Variants in SLC24A4 observed in about 807,000 individuals in gnomAD.
SLC24A4 encodes the protein solute carrier family 24 member 4.
In SLC24A4, 53 loss-of-function variants were observed where a neutral mutation model predicts 79.0. The observed-to-expected ratio is 0.67, with a 90% CI of 0.54 to 0.84. The LOEUF (loss-of-function observed/expected upper bound fraction) is 0.84, where lower values mean the gene tolerates loss of function less well. SLC24A4 is among the 40% of genes least tolerant of loss of function. The pLI is 0.00. For synonymous variants in SLC24A4, 323 were observed against 323.8 expected, an observed-to-expected ratio of 1.00 and a Z score of 0.03; for missense variants, 731 against 822.0, an observed-to-expected ratio of 0.89 and a Z score of 1.35.
chr14:92,347,944 A>C (rs377532820), intron 2 of SLC24A4, among the ~76,000 whole-genome samples: 1 of 151,970 alleles, frequency 6.6e-6, no homozygotes, highest in African/African-American at 2.4e-5. Context: ...AAAAACAAAA[A>C]CAAACAAACA....
Position 92,443,520 on chromosome 14 carries a change from C to T in SLC24A4, c.657+46C>T, listed in dbSNP as rs764696543. 1.1e-5 allele frequency: 17 copies of T among 1,590,950 alleles called. No homozygotes were observed. In the East Asian group the frequency reaches 1.1e-4, roughly 10 times the overall value. On this transcript the variant is annotated intron_variant, in intron 7 of 16. Transcript: ENST00000532405. ...CAAGGTCAGGTTGGCTGGGACCCTG[C>T]GAAGGCACAGGACCCCTGCCCATCT...
chr14:92,477,446 C>CT (rs1327124781), intron 12 of SLC24A4, among the ~76,000 whole-genome samples: 1 of 151,878 alleles, frequency 6.6e-6, no homozygotes, highest in Non-Finnish European at 1.5e-5. Flanking sequence ...CTATCTTTTC[C>CT]TTTTTTTGTT....
At chr14:92,367,105 T>A (rs1012431156) in intron 2 of SLC24A4, among the ~76,000 whole-genome samples, 1 of 152,194 alleles carries the variant, frequency 6.6e-6, no homozygotes, top group Non-Finnish European at 1.5e-5. Flanking sequence ...TTCATCACTT[T>A]ACCACCTTCT....
At chr14:92,340,581 A>C (rs201854705) in intron 2 of SLC24A4, among the ~76,000 whole-genome samples, 2 of 152,116 alleles carry the variant, frequency 1.3e-5, no homozygotes, top group Non-Finnish European at 2.9e-5. Flanking sequence ...ATCATGCCAA[A>C]CCTGCAGGGG....
At chr14:92,455,844 G>T (rs1239294595) in intron 11 of SLC24A4, among the ~76,000 whole-genome samples, 1 of 152,008 alleles carries the variant, frequency 6.6e-6, no homozygotes, top group African/African-American at 2.4e-5. Flanking sequence ...GGGATTACGG[G>T]GGCCTACCAC....
At position 92,323,649 on chromosome 14, in the gene SLC24A4, C is replaced by G. The variant is rs988075462; in HGVS notation, c.-182C>G. ...CTGAGCTCCGGCCGCGTCGCGCGTC[C>G]CCACCTTCCCAAGGGGCTCCCCCGC... On this transcript the variant is annotated 5_prime_UTR_variant, in exon 1 of 17. Transcript: ENST00000532405. This position sits in a 1 kb window ranked among gnomAD's most constrained non-coding sequence, Gnocchi z 4.9. The G allele has an allele frequency of 3.6e-5, 23 of 647,144 alleles. No individual in the cohort carries two copies. Among genetic ancestry groups the G allele is most frequent in the Non-Finnish European group, 4.8e-5 (20 of 419,724 alleles). The allele number at this position is 647,144 out of a possible 1,614,324, so 40.1% of individuals were successfully genotyped here. A position where few individuals can be genotyped will look rare whatever the true frequency, so the allele number is the denominator to read the frequency against.
chr14:92,346,215 T>C (rs1165847568), intron 2 of SLC24A4, among the ~76,000 whole-genome samples: 4 of 152,214 alleles, frequency 2.6e-5, no homozygotes, highest in Non-Finnish European at 4.4e-5. Context: ...TGACCCACTC[T>C]GCTTTCATGA....
intron 2 of SLC24A4, among the ~76,000 whole-genome samples, chr14:92,403,120 T>C (rs1220365332): frequency 6.6e-6 from 1 of 152,114 alleles, no homozygotes; most frequent in Non-Finnish European, 1.5e-5. Context: ...ACACACCTGC[T>C]TCTGAAGCAC....
In SLC24A4 at chr14:92,344,554, C is replaced by T. The variant is rs370181024; in HGVS notation, c.241+18576C>T. ...GTTGGAGTTGGGGAGAGTTTCTGAG[C>T]CAAGGATCGATATGCTGAGGAGTGT... On this transcript the variant is annotated intron_variant, in intron 2 of 16. Transcript: ENST00000532405. Among the ~76,000 whole-genome samples, 144 of 152,148 alleles carry T rather than the reference C, an allele frequency of 9.5e-4. 2 individuals carry two copies. Among genetic ancestry groups the T allele is most frequent in the African/African-American group, 3.0e-3 (125 of 41,486 alleles).
chr14:92,335,642 C>A (rs547525673), intron 2 of SLC24A4, among the ~76,000 whole-genome samples: 2 of 152,114 alleles, frequency 1.3e-5, no homozygotes, highest in Admixed American at 1.3e-4. Flanking sequence ...GGATTACAGG[C>A]GTGAGCCACT....
intron 2 of SLC24A4, among the ~76,000 whole-genome samples, chr14:92,327,414 G>A (rs931251289): frequency 1.3e-5 from 2 of 152,184 alleles, no homozygotes; most frequent in Non-Finnish European, 2.9e-5. Context: ...GGACATGTGG[G>A]CCGACTGATA....
chr14:92,374,506 T>A (rs1566723361), intron 2 of SLC24A4, among the ~76,000 whole-genome samples: 1 of 152,202 alleles, frequency 6.6e-6, no homozygotes, highest in Non-Finnish European at 1.5e-5. Flanking sequence ...CATGTCCATG[T>A]TACTCCCAGA....
intron 12 of SLC24A4, among the ~76,000 whole-genome samples, chr14:92,475,088 A>G (rs986815401): frequency 6.6e-6 from 1 of 151,626 alleles, no homozygotes; most frequent in Non-Finnish European, 1.5e-5. Flanking sequence ...GACAAATAGT[A>G]TCATGTTCCC....
Position 92,442,815 on chromosome 14 carries a change from A to C in SLC24A4, c.581A>C (p.Gln194Pro), listed in dbSNP as rs145888814. ...IIGVCGLFAGQVVRLTWWAVC... is the reference protein window; with the variant it reads ...IIGVCGLFAGPVVRLTWWAVC... ...GGAGTGTGCGGACTGTTTGCTGGCCAGGTCAGTGGTTTCTCCCTGGGCCCG... is the reference window on the plus strand; with the variant it reads ...GGAGTGTGCGGACTGTTTGCTGGCCCGGTCAGTGGTTTCTCCCTGGGCCCG... Residue 194 changes from glutamine (Q) to proline (P), a missense_variant and splice_region_variant, in exon 6 of 17, where the codon CAG becomes CCG. By Grantham distance (76) the Gln-to-Pro change is moderately conservative. Coordinates refer to ENST00000532405, the MANE Select transcript of SLC24A4 (RefSeq NM_153646.4). 3.3e-5 allele frequency: 54 copies of C among 1,613,592 alleles called. No homozygotes were observed. In the African/African-American group the frequency reaches 6.7e-4, roughly 20 times the overall value.
At position 92,323,699 on chromosome 14, in the gene SLC24A4, C is replaced by T; in HGVS notation, c.-132C>T. On this transcript the variant is annotated 5_prime_UTR_variant, in exon 1 of 17. Transcript: ENST00000532405. The surrounding 1 kb of genome is among the most constrained non-coding windows in gnomAD (Gnocchi z 4.9). ...CCGACCTCGCCCTCGGGCCATGAGGCTTTGGCCCGGAGCTCCTCGCCTCTG... is the reference window on the plus strand; with the variant it reads ...CCGACCTCGCCCTCGGGCCATGAGGTTTTGGCCCGGAGCTCCTCGCCTCTG... 1 of 1,203,508 alleles carries T rather than the reference C, an allele frequency of 8.3e-7. No homozygotes were observed. Among genetic ancestry groups the T allele is most frequent in the South Asian group, 1.6e-5 (1 of 61,902 alleles). 74.6% of individuals were successfully genotyped at this position (1,203,508 alleles called of 1,614,324 possible).
intron 2 of SLC24A4, among the ~76,000 whole-genome samples, chr14:92,389,142 A>G (rs1349896167): frequency 6.6e-6 from 1 of 152,186 alleles, no homozygotes; most frequent in African/African-American, 2.4e-5. Context: ...TGGATGATGG[A>G]TGCATGGAAG....
chr14:92,402,063 C>T (rs186337660), intron 2 of SLC24A4, among the ~76,000 whole-genome samples: 53 of 152,258 alleles, frequency 3.5e-4, no homozygotes, highest in African/African-American at 1.2e-3. Flanking sequence ...TTTGCACTTT[C>T]GAGCTTGCTG....
At chr14:92,491,585 C>A in intron 14 of SLC24A4, 80 bp from the exon 15 acceptor site, 1 of 978,550 alleles carries the variant, frequency 1.0e-6, no homozygotes, top group Non-Finnish European at 1.6e-6. Flanking sequence ...AGGAATGGCA[C>A]TGATAGAACA....
chr14:92,334,150 T>G lies in SLC24A4; in HGVS notation c.241+8172T>G, dbSNP rs117096641. The stretch of plus-strand genomic sequence containing the variant: ...TCACACATCCAAATTTTAAAGTCGT[T>G]ATGTAAAAGCAAATTTTGAGTTAGA... On this transcript the variant is annotated intron_variant, in intron 2 of 16. Transcript: ENST00000532405. Among the ~76,000 whole-genome samples the G allele has an allele frequency of 3.7e-4, 56 of 152,324 alleles. No homozygotes were observed. In the East Asian group the frequency reaches 8.9e-3, roughly 24 times the overall value.
Sources: gnomAD v4.1 joint callset for allele counts (sites outside exome capture counted in the v4.1 genomes callset) on GRCh38, gnomAD v4.1.1 for gene constraint, Gnocchi (gnomAD v3.1) non-coding constraint, MANE v1.5 for transcripts, NCBI Gene and HGNC (gene_info 2026-07-23, HGNC 2026-07-21) for gene names.